The following SCLT1 variants were observed in gnomAD, a reference collection of about 807,000 sequenced individuals.
SCLT1 encodes sodium channel and clathrin linker 1, also known as sodium channel-associated protein 1.
A neutral mutation model predicts 112.8 loss-of-function variants in SCLT1; 78 were observed. That is an observed-to-expected ratio of 0.69 (90% CI 0.58 to 0.83). The LOEUF (loss-of-function observed/expected upper bound fraction) is 0.83, where lower values mean the gene tolerates loss of function less well. SCLT1 is among the 40% of genes least tolerant of loss of function. SCLT1 has a pLI of 0.00. For synonymous variants in SCLT1, 257 were observed against 254.7 expected, an observed-to-expected ratio of 1.01 and a Z score of -0.09; for missense variants, 747 against 770.4, an observed-to-expected ratio of 0.97 and a Z score of 0.36.
intron 10 of SCLT1, among the ~76,000 whole-genome samples, chr4:128,968,915 C>A (rs1467699478): frequency 6.6e-6 from 1 of 152,136 alleles, no homozygotes; most frequent in Non-Finnish European, 1.5e-5. Context: ...CTTTGTGGTT[C>A]CCTCGCTTCT....
At chr4:129,067,917 T>C (rs1359930258) in intron 2 of SCLT1, among the ~76,000 whole-genome samples, 2 of 152,062 alleles carry the variant, frequency 1.3e-5, no homozygotes, top group Non-Finnish European at 2.9e-5. Context: ...TAGTGATGAT[T>C]TGTGACATTT....
chr4:129,075,375 G>A (rs1751372904), intron 2 of SCLT1, among the ~76,000 whole-genome samples: 3 of 152,074 alleles, frequency 2.0e-5, no homozygotes, highest in Admixed American at 1.3e-4. Context: ...ATCAATAAAT[G>A]TTGACGAACA....
chr4:129,059,666 C>G (rs1200837895), intron 2 of SCLT1, among the ~76,000 whole-genome samples: 1 of 152,094 alleles, frequency 6.6e-6, no homozygotes, highest in Non-Finnish European at 1.5e-5. Flanking sequence ...TCTTTTGGTA[C>G]TTTGACCATT....
intron 20 of SCLT1, among the ~76,000 whole-genome samples, chr4:128,885,263 G>A (rs1732803375): frequency 6.6e-6 from 1 of 152,120 alleles, no homozygotes; most frequent in African/African-American, 2.4e-5. Context: ...AGATCTAACA[G>A]TACAAAACGG....
chr4:128,930,423 C>A (rs1278269396), intron 18 of SCLT1, among the ~76,000 whole-genome samples: 1 of 152,118 alleles, frequency 6.6e-6, no homozygotes, highest in Non-Finnish European at 1.5e-5. Context: ...CCCAGATAAG[C>A]CACTTCCAAT....
Position 129,065,222 on chromosome 4 carries a change from A to G in SCLT1, c.102+17084T>C, listed in dbSNP as rs143984204. ...TTATTTATCTATAGTAATATTTCTT[A>G]GTTAAATCTATTTCATTTCATATCA... is the stretch of plus-strand genomic sequence containing the variant. On this transcript the variant is annotated intron_variant, in intron 2 of 20. Coordinates refer to ENST00000281142, the MANE Select transcript of SCLT1 (RefSeq NM_144643.4). Among the ~76,000 whole-genome samples, 830 of 152,028 alleles carry G rather than the reference A, an allele frequency of 5.5e-3. 8 individuals are homozygous for G. Among genetic ancestry groups the G allele is most frequent in the African/African-American group, 0.019 (781 of 41,530 alleles).
intron 5 of SCLT1, among the ~76,000 whole-genome samples, chr4:129,011,073 AC>A (rs1442429571): frequency 1.3e-5 from 2 of 152,292 alleles, no homozygotes; most frequent in East Asian, 3.9e-4. Flanking sequence ...GATGACTCTT[AC>A]TATTTTGAAG....
chr4:128,959,729 T>C lies in SCLT1; in HGVS notation c.918A>G (p.Thr306=). 1 of 1,613,570 alleles carries C rather than the reference T, an allele frequency of 6.2e-7. No individual in the cohort carries two copies. Among genetic ancestry groups the C allele is most frequent in the Middle Eastern group, 1.7e-4 (1 of 6,056 alleles). Residue 306 remains threonine (T), a synonymous_variant, in exon 12 of 21, where the codon ACA becomes ACG. Transcript: ENST00000281142. ...QEANQLRTEN[T]HLEKQTRELQ... ...GCTCTCTGGTCTGTTTTTCCAGATG[T>C]GTATTTTCGGTTCTTAATTGGTTGG... is the stretch of plus-strand genomic sequence containing the variant.
chr4:129,026,356 G>A (rs1746077352), intron 5 of SCLT1, among the ~76,000 whole-genome samples: 2 of 152,052 alleles, frequency 1.3e-5, no homozygotes, highest in Non-Finnish European at 2.9e-5. Context: ...CTGTCTCTCA[G>A]ACCACAGTGC....
downstream of SCLT1, among the ~76,000 whole-genome samples, chr4:128,883,325 C>T (rs1732689031): frequency 6.6e-6 from 1 of 151,774 alleles, no homozygotes; most frequent in Admixed American, 6.6e-5. Flanking sequence ...CATGGAAGGC[C>T]CCAAGGGAAG....
At chr4:128,995,400 T>C (rs1308556526) in intron 8 of SCLT1, among the ~76,000 whole-genome samples, 5 of 152,212 alleles carry the variant, frequency 3.3e-5, no homozygotes. Flanking sequence ...AGAGTTATTT[T>C]TAATTCCCTA....
chr4:129,025,966 A>C (rs1346412032), intron 5 of SCLT1, among the ~76,000 whole-genome samples: 1 of 152,176 alleles, frequency 6.6e-6, no homozygotes, highest in Non-Finnish European at 1.5e-5. Context: ...CCATTACATA[A>C]TGGTAAAGGG....
chr4:128,965,306 C>A lies in SCLT1; in HGVS notation c.790G>T (p.Val264Leu). The change falls in exon 11 of 21, where the codon GTG becomes TTG. Residue 264 changes from valine (V) to leucine (L), a missense_variant. Physicochemically the swap from Val to Leu is conservative, Grantham distance 32. Coordinates refer to ENST00000281142, the MANE Select transcript of SCLT1 (RefSeq NM_144643.4). Reference protein sequence around the residue: ...GQMKKKEKDVVSAHGREEASD... With the variant: ...GQMKKKEKDVLSAHGREEASD... Reference sequence around the variant, plus strand: ...GCTTCCTCTCTTCCATGGGCAGACACCACATCCTTCTCCTAGAAAATAAAG... The same window carrying A: ...GCTTCCTCTCTTCCATGGGCAGACAACACATCCTTCTCCTAGAAAATAAAG... The A allele has an allele frequency of 1.9e-6, 3 of 1,603,866 alleles. No individual in the cohort carries two copies. Among genetic ancestry groups the A allele is most frequent in the Non-Finnish European group, 2.6e-6 (3 of 1,171,186 alleles).
chr4:128,893,770 T>C (rs1397243737), intron 18 of SCLT1, among the ~76,000 whole-genome samples: 1 of 152,226 alleles, frequency 6.6e-6, no homozygotes, highest in Non-Finnish European at 1.5e-5. Context: ...CTCAATCTCC[T>C]GACCTCGTGA....
intron 9 of SCLT1, among the ~76,000 whole-genome samples, chr4:128,989,825 A>C (rs920900825): frequency 2.0e-5 from 3 of 151,782 alleles, no homozygotes; most frequent in African/African-American, 7.2e-5. Flanking sequence ...ATGAGCAACT[A>C]TATGCCAATA....
At chr4:129,072,741 T>C (rs1751131614) in intron 2 of SCLT1, among the ~76,000 whole-genome samples, 1 of 152,178 alleles carries the variant, frequency 6.6e-6, no homozygotes. Flanking sequence ...GCACGGGGCT[T>C]CGCCTTTTCT....
chr4:128,891,747 T>G (rs1212321412), intron 18 of SCLT1, among the ~76,000 whole-genome samples: 2 of 150,634 alleles, frequency 1.3e-5, no homozygotes, highest in African/African-American at 2.4e-5. Flanking sequence ...CAGGGTCAAG[T>G]GATTCTCATG....
At chr4:128,986,801 A>C (rs1471419246) in intron 9 of SCLT1, among the ~76,000 whole-genome samples, 3 of 152,150 alleles carry the variant, frequency 2.0e-5, no homozygotes, top group Admixed American at 1.3e-4. Context: ...TTGAATAAAC[A>C]TCAGGCAGTG....
chr4:128,924,379 G>A (rs941823216), intron 18 of SCLT1, among the ~76,000 whole-genome samples: 3 of 151,854 alleles, frequency 2.0e-5, no homozygotes, highest in Non-Finnish European at 2.9e-5. Context: ...AGCAATTCTC[G>A]CTCTTCAGCT....
Sources: allele counts gnomAD v4.1 joint callset (sites outside exome capture counted in the v4.1 genomes callset), GRCh38; gene constraint gnomAD v4.1.1; transcripts MANE v1.5; gene names NCBI Gene and HGNC (gene_info 2026-07-23, HGNC 2026-07-21).